SNTB1: variants seen among roughly 807,000 people sequenced by gnomAD.
The protein encoded by SNTB1 is syntrophin beta 1, also known as beta-1-syntrophin.
In SNTB1, 36 loss-of-function variants were observed where a neutral mutation model predicts 48.9. The ratio of observed to expected loss-of-function variants is 0.74; its 90% CI spans 0.56 to 0.97. The LOEUF (loss-of-function observed/expected upper bound fraction) is 0.97. SNTB1 is among the 50% of genes least tolerant of loss of function. The pLI, the probability that SNTB1 is intolerant of heterozygous loss-of-function variation, is 0.00. For synonymous variants in SNTB1, 299 were observed against 294.6 expected, an observed-to-expected ratio of 1.01 and a Z score of -0.15; for missense variants, 786 against 703.4, an observed-to-expected ratio of 1.12 and a Z score of -1.33.
Position 120,564,115 on chromosome 8 carries a change from A to AC in SNTB1, c.1136+10970_1136+10971insG, listed in dbSNP as rs201158533. Among the ~76,000 whole-genome samples the AC allele has an allele frequency of 3.4e-4, 51 of 151,058 alleles. No individual in the cohort carries two copies. The East Asian group carries it at 6.0e-3, about 18-fold the overall frequency. The stretch of plus-strand genomic sequence containing the variant: ...AAGAGCAAAACTCTGTCTCAAACAA[A>AC]AAAAAAAAAAAAGAATTATGTACAT... On this transcript the variant is annotated intron_variant, in intron 4 of 6. Coordinates refer to ENST00000517992, the MANE Select transcript of SNTB1 (RefSeq NM_021021.4).
chr8:120,806,100 G>A (rs183500452), intron 1 of SNTB1, among the ~76,000 whole-genome samples: 6 of 152,364 alleles, frequency 3.9e-5, no homozygotes, highest in Middle Eastern at 3.4e-3. Flanking sequence ...GCACTACAAA[G>A]TGACGAGGCA....
At position 120,771,332 on chromosome 8, in the gene SNTB1, T is replaced by C. The variant is rs997901204; in HGVS notation, c.571+39941A>G. Among the ~76,000 whole-genome samples the C allele has an allele frequency of 2.0e-5, 3 of 152,242 alleles. No individual in the cohort carries two copies. The South Asian group carries it at 6.2e-4, about 32-fold the overall frequency. On this transcript the variant is annotated intron_variant, in intron 1 of 6. Coordinates refer to ENST00000517992, the MANE Select transcript of SNTB1 (RefSeq NM_021021.4). ...GTGTGTTCTCTTTTCATTTCTACCA[T>C]TTCTGTCATCTGAAGAGCAGAAAAA...
chr8:120,743,749 A>T (rs1410043874), intron 1 of SNTB1, among the ~76,000 whole-genome samples: 2 of 152,212 alleles, frequency 1.3e-5, no homozygotes, highest in Non-Finnish European at 2.9e-5. Flanking sequence ...ATCTGTTCCT[A>T]AACTTGTGTA....
chr8:120,668,766 G>T (rs540410334), intron 2 of SNTB1, among the ~76,000 whole-genome samples: 17 of 152,312 alleles, frequency 1.1e-4, no homozygotes, highest in Admixed American at 8.5e-4. Context: ...AACAGCTGGA[G>T]AAAATAAGAA....
intron 1 of SNTB1, among the ~76,000 whole-genome samples, chr8:120,763,741 A>C (rs984836620): frequency 6.6e-6 from 1 of 151,604 alleles, no homozygotes; most frequent in African/African-American, 2.4e-5. Context: ...ATATAAATAG[A>C]AATTTTTTTT....
chr8:120,786,625 C>T (rs966630010), intron 1 of SNTB1, among the ~76,000 whole-genome samples: 5 of 152,170 alleles, frequency 3.3e-5, no homozygotes, highest in Non-Finnish European at 7.4e-5. Flanking sequence ...CTACACAGAA[C>T]ATCAGCATTC....
At chr8:120,555,541 A>T (rs561757328) in intron 4 of SNTB1, among the ~76,000 whole-genome samples, 1 of 152,130 alleles carries the variant, frequency 6.6e-6, no homozygotes, top group Non-Finnish European at 1.5e-5. Context: ...GAAAATGTCT[A>T]GTCCGTAGTT....
At chr8:120,562,163 A>G (rs888137257) in intron 4 of SNTB1, among the ~76,000 whole-genome samples, 1 of 152,244 alleles carries the variant, frequency 6.6e-6, no homozygotes, top group Non-Finnish European at 1.5e-5. Context: ...GTCTTTAACA[A>G]TTGCTAACAT....
At chr8:120,666,834 A>G (rs1172919859) in intron 2 of SNTB1, among the ~76,000 whole-genome samples, 1 of 152,038 alleles carries the variant, frequency 6.6e-6, no homozygotes, top group African/African-American at 2.4e-5. Context: ...ATTTTTTGCT[A>G]TGAATGCCAT....
intron 4 of SNTB1, among the ~76,000 whole-genome samples, chr8:120,567,071 T>A (rs1427052707): frequency 6.6e-6 from 1 of 152,218 alleles, no homozygotes; most frequent in African/African-American, 2.4e-5. Context: ...TCTCTTACTG[T>A]TACTGTTGCA....
At chr8:120,634,788 GTA>G (rs539390109) in intron 2 of SNTB1, among the ~76,000 whole-genome samples, 6 of 152,028 alleles carry the variant, frequency 3.9e-5, no homozygotes, top group Non-Finnish European at 8.8e-5. Context: ...GCATTAAGTT[GTA>G]GAAGAGAGAT....
intron 1 of SNTB1, among the ~76,000 whole-genome samples, chr8:120,808,077 G>A (rs979872135): frequency 6.6e-6 from 1 of 151,972 alleles, no homozygotes; most frequent in Non-Finnish European, 1.5e-5. Flanking sequence ...ACGATGCCTG[G>A]CTAATTTTTG....
At chr8:120,632,004 A>G (rs1816989613) in intron 3 of SNTB1, among the ~76,000 whole-genome samples, 1 of 152,228 alleles carries the variant, frequency 6.6e-6, no homozygotes, top group Non-Finnish European at 1.5e-5. Flanking sequence ...TCTTGCTGTT[A>G]TTTGTAAATG....
chr8:120,697,455 A>C (rs1373792798), intron 1 of SNTB1, among the ~76,000 whole-genome samples: 1 of 152,248 alleles, frequency 6.6e-6, no homozygotes, highest in African/African-American at 2.4e-5. Context: ...GAAATGGTCC[A>C]TGATTAGAAG....
intron 1 of SNTB1, among the ~76,000 whole-genome samples, chr8:120,756,416 C>T (rs1468934134): frequency 6.6e-6 from 1 of 152,036 alleles, no homozygotes; most frequent in African/African-American, 2.4e-5. Context: ...ATGCAGGACA[C>T]TCACTGGGGT....
At chr8:120,803,794 G>A (rs1820275085) in intron 1 of SNTB1, among the ~76,000 whole-genome samples, 1 of 152,152 alleles carries the variant, frequency 6.6e-6, no homozygotes, top group Non-Finnish European at 1.5e-5. Context: ...GCTTAAAAAA[G>A]AAGCAATTAA....
chr8:120,725,058 C>A (rs1818730238), intron 1 of SNTB1, among the ~76,000 whole-genome samples: 1 of 152,164 alleles, frequency 6.6e-6, no homozygotes, highest in South Asian at 2.1e-4. Flanking sequence ...TCTTAAGGCT[C>A]CTCAGCTCCT....
At chr8:120,563,098 C>T (rs1454119948) in intron 4 of SNTB1, among the ~76,000 whole-genome samples, 2 of 152,042 alleles carry the variant, frequency 1.3e-5, no homozygotes, top group African/African-American at 4.8e-5. Context: ...GCCCTTTTTA[C>T]AAGCTCTGTG....
intron 1 of SNTB1, among the ~76,000 whole-genome samples, chr8:120,766,381 G>C (rs1819524909): frequency 6.6e-6 from 1 of 152,132 alleles, no homozygotes; most frequent in Non-Finnish European, 1.5e-5. Context: ...ATTTATCTTT[G>C]TATTTCCAAT....
Sources: gnomAD v4.1 joint callset for allele counts (sites outside exome capture counted in the v4.1 genomes callset) on GRCh38, gnomAD v4.1.1 for gene constraint, MANE v1.5 for transcripts, NCBI Gene and HGNC (gene_info 2026-07-23, HGNC 2026-07-21) for gene names.